LRRIQ3: variants seen among roughly 807,000 people sequenced by gnomAD.
The protein encoded by LRRIQ3 is leucine-rich repeat and IQ domain-containing protein 3.
In LRRIQ3, 75 loss-of-function variants were observed where a neutral mutation model predicts 59.3. That is an observed-to-expected ratio of 1.26 (90% CI 1.05 to 1.53). The LOEUF (loss-of-function observed/expected upper bound fraction) is 1.53, where lower values mean the gene tolerates loss of function less well. Among genes scored for constraint, LRRIQ3 ranks in the 40% most tolerant of loss-of-function variants. The pLI is 0.00. For synonymous variants in LRRIQ3, 250 were observed against 231.3 expected, an observed-to-expected ratio of 1.08 and a Z score of -0.73; for missense variants, 831 against 710.0, an observed-to-expected ratio of 1.17 and a Z score of -1.94.
chr1:74,099,460 C>T (rs562626850), intron 5 of LRRIQ3, among the ~76,000 whole-genome samples: 2 of 152,196 alleles, frequency 1.3e-5, no homozygotes, highest in East Asian at 1.9e-4. Context: ...GATTCACAGC[C>T]GAATTCTACC....
intron 2 of LRRIQ3, chr1:74,183,207 G>A (rs1374148967): frequency 2.6e-5 from 9 of 346,918 alleles, no homozygotes; most frequent in Non-Finnish European, 4.6e-5. Context: ...CCAGGCTATA[G>A]ATTTAAGAAG....
At chr1:74,172,861 T>C (rs1188168143) in intron 3 of LRRIQ3, among the ~76,000 whole-genome samples, 4 of 152,206 alleles carry the variant, frequency 2.6e-5, no homozygotes, top group Non-Finnish European at 5.9e-5. Context: ...AGCCTACTTT[T>C]TTAATAAATG....
chr1:74,122,389 G>A (rs1038214008), intron 4 of LRRIQ3, among the ~76,000 whole-genome samples: 1 of 152,230 alleles, frequency 6.6e-6, no homozygotes, highest in Non-Finnish European at 1.5e-5. Flanking sequence ...CTTTTGAGAA[G>A]TGTCTGTTCA....
chr1:74,152,640 A>T (rs1379538439), intron 4 of LRRIQ3, among the ~76,000 whole-genome samples: 1 of 152,196 alleles, frequency 6.6e-6, no homozygotes, highest in African/African-American at 2.4e-5. Flanking sequence ...TATGATGGAA[A>T]GAATAATCCA....
chr1:74,066,543 A>G (rs1346025640), intron 6 of LRRIQ3, among the ~76,000 whole-genome samples: 1 of 152,144 alleles, frequency 6.6e-6, no homozygotes, highest in Non-Finnish European at 1.5e-5. Context: ...GCAGCAGCTA[A>G]CATTTATTAA....
Position 74,041,584 on chromosome 1 carries a change from A to G in LRRIQ3, c.1347T>C (p.Ala449=), listed in dbSNP as rs1654046609. 2 of 1,613,736 alleles carry G rather than the reference A, an allele frequency of 1.2e-6. No individual in the cohort carries two copies. Among genetic ancestry groups the G allele is most frequent in the Non-Finnish European group, 1.7e-6 (2 of 1,179,876 alleles). The change falls in exon 7 of 8, where the codon GCT becomes GCC. Residue 449 remains alanine (A), a synonymous_variant. Coordinates refer to ENST00000354431, the MANE Select transcript of LRRIQ3 (RefSeq NM_001105659.2). ...KVRVVAMAQV[A]RERVRVAVNE... ...TAACAGCTACTCTAACTCTTTCTCGAGCAACTTGTGCCATGGCTACAACTC... is the reference window on the plus strand; with the variant it reads ...TAACAGCTACTCTAACTCTTTCTCGGGCAACTTGTGCCATGGCTACAACTC...
chr1:74,122,358 T>C (rs1646871753), intron 4 of LRRIQ3, among the ~76,000 whole-genome samples: 1 of 152,206 alleles, frequency 6.6e-6, no homozygotes, highest in Non-Finnish European at 1.5e-5. Context: ...TTCATGTGTC[T>C]TTTGGCTGCA....
chr1:74,186,262 C>A (rs1051696657), intron 1 of LRRIQ3, among the ~76,000 whole-genome samples: 1 of 151,868 alleles, frequency 6.6e-6, no homozygotes, highest in African/African-American at 2.4e-5. Context: ...TAGATTCATC[C>A]ACCAGGAATA....
At chr1:74,168,383 G>A (rs1247796407) in intron 3 of LRRIQ3, among the ~76,000 whole-genome samples, 2 of 151,936 alleles carry the variant, frequency 1.3e-5, no homozygotes, top group African/African-American at 4.8e-5. Context: ...TCCTTTATCA[G>A]ATATTCATAC....
At chr1:74,070,496 G>A (rs191160585) in intron 6 of LRRIQ3, among the ~76,000 whole-genome samples, 111 of 151,820 alleles carry the variant, frequency 7.3e-4, no homozygotes, top group African/African-American at 2.6e-3. Context: ...GAGGCAAGAG[G>A]GAGAGGATTA....
At chr1:74,128,514 T>C (rs568179509) in intron 4 of LRRIQ3, among the ~76,000 whole-genome samples, 1 of 152,248 alleles carries the variant, frequency 6.6e-6, no homozygotes, top group Non-Finnish European at 1.5e-5. Flanking sequence ...TTATCTTGAA[T>C]ATCTTTGAGT....
At chr1:74,046,682 A>C (rs1654213957) in intron 6 of LRRIQ3, among the ~76,000 whole-genome samples, 2 of 152,114 alleles carry the variant, frequency 1.3e-5, no homozygotes, top group African/African-American at 4.8e-5. Context: ...TGGGAGAAAA[A>C]TTTTGCAATC....
chr1:74,159,195 C>T (rs986492570), intron 3 of LRRIQ3, among the ~76,000 whole-genome samples: 23 of 152,270 alleles, frequency 1.5e-4, no homozygotes, highest in South Asian at 1.2e-3. Flanking sequence ...TCCCACTCTG[C>T]CTATTGCAAT....
chr1:74,154,279 A>AAAAAAG (rs1648187710), intron 4 of LRRIQ3, among the ~76,000 whole-genome samples: 4 of 132,484 alleles, frequency 3.0e-5, no homozygotes, highest in African/African-American at 1.2e-4. Flanking sequence ...AAAAAAAAAA[A>AAAAAAG]TGTAATATCT....
chr1:74,176,729 C>A, intron 3 of LRRIQ3, among the ~76,000 whole-genome samples: 1 of 152,000 alleles, frequency 6.6e-6, no homozygotes, highest in Non-Finnish European at 1.5e-5. Context: ...TGTTATCACC[C>A]AGCAATGGTA....
Position 74,189,936 on chromosome 1 carries a change from C to A in LRRIQ3, c.1-6252G>T, listed in dbSNP as rs144453201. ...TAAGCACTACAAAATTAATTGAATG[C>A]CTAGTTCCATTAACAATTCAAGATA... On this transcript the variant is annotated intron_variant, in intron 1 of 7. Transcript: ENST00000354431. Among the ~76,000 whole-genome samples, 333 of 152,142 alleles carry A rather than the reference C, an allele frequency of 2.2e-3. 3 individuals carry two copies. The highest frequency in any genetic ancestry group is 7.5e-3 in the African/African-American group (313 of 41,498).
intron 3 of LRRIQ3, among the ~76,000 whole-genome samples, chr1:74,160,793 T>G (rs1020582375): frequency 1.3e-5 from 2 of 152,128 alleles, no homozygotes; most frequent in Non-Finnish European, 2.9e-5. Context: ...TAACCCTGAC[T>G]GTACTTGAAT....
intron 3 of LRRIQ3, among the ~76,000 whole-genome samples, chr1:74,166,150 T>A (rs1648977038): frequency 6.6e-6 from 1 of 151,608 alleles, no homozygotes; most frequent in Non-Finnish European, 1.5e-5. Flanking sequence ...CTTTTACATG[T>A]TTGGGATAAT....
chr1:74,182,734 G>T lies in LRRIQ3; in HGVS notation c.377C>A (p.Ala126Asp). 6.2e-7 allele frequency: 1 copy of T among 1,612,508 alleles called. No homozygotes were observed. Among genetic ancestry groups the T allele is most frequent in the Non-Finnish European group, 8.5e-7 (1 of 1,178,888 alleles). Residue 126 changes from alanine to aspartate, a missense_variant, in exon 3 of 8, where the codon GCC becomes GAC. By Grantham distance (126) the Ala-to-Asp change is moderately radical (BLOSUM62 -2). Coordinates refer to ENST00000354431, the MANE Select transcript of LRRIQ3 (RefSeq NM_001105659.2). ...CVLSACPTLI[A>D]LTMFDCPVSL... ...TACTGGACAATCAAACATAGTGAGG[G>T]CAATGAGGGTTGGACAGGCAGATAA...
Sources: gnomAD v4.1 joint callset for allele counts (sites outside exome capture counted in the v4.1 genomes callset) on GRCh38, gnomAD v4.1.1 for gene constraint, MANE v1.5 for transcripts, NCBI Gene and HGNC (gene_info 2026-07-23, HGNC 2026-07-21) for gene names.